Variants in ZNF800 observed in about 807,000 individuals in gnomAD.
The protein encoded by ZNF800 is zinc finger protein 800.
A neutral mutation model predicts 59.5 loss-of-function variants in ZNF800; 13 were observed. That is an observed-to-expected ratio of 0.22 (90% CI 0.14 to 0.35). The LOEUF (loss-of-function observed/expected upper bound fraction) is 0.35. Ranked by LOEUF, ZNF800 falls within the 10% of genes least tolerant of loss-of-function variation. The pLI, the probability that ZNF800 is intolerant of heterozygous loss-of-function variation, is 1.00. For missense variants in ZNF800, 621 were observed against 783.7 expected (o/e 0.79, Z 2.48); for synonymous variants, 266 against 265.7 (o/e 1.00, Z -0.01).
intron 3 of ZNF800, among the ~76,000 whole-genome samples, chr7:127,383,675 T>C (rs147465767): frequency 2.1e-3 from 318 of 152,306 alleles, no homozygotes; most frequent in Admixed American, 5.0e-3. Context: ...CAGTAGACAT[T>C]AGATTAACCA....
chr7:127,360,451 T>C (rs1398746827), intron 1 of ZNF800: 1 of 152,122 alleles, frequency 6.6e-6, no homozygotes, highest in African/African-American at 2.4e-5. Flanking sequence ...AACAGACAAA[T>C]GTTAATTTAT....
In ZNF800 at chr7:127,374,556, T is replaced by C. The variant is rs1209174867; in HGVS notation, c.780A>G (p.Leu260=). ...TCTTTCGTGTTTCAATGTACTTTTT[T>C]AGTTCTTCCATCTTTTTCTTGTGTA... The part of the protein sequence containing the change: ...RKVHKKKMEE[L]KKYIETRKNP... The change falls in exon 5 of 6, where the codon CTA becomes CTG. Residue 260 remains leucine, a synonymous_variant. Coordinates refer to ENST00000265827, the MANE Select transcript of ZNF800 (RefSeq NM_176814.5). 1.9e-6 allele frequency: 3 copies of C among 1,614,188 alleles called. No individual in the cohort carries two copies. Among genetic ancestry groups the C allele is most frequent in the South Asian group, 2.2e-5 (2 of 91,084 alleles).
intron 5 of ZNF800, 65 bp downstream of exon 5, chr7:127,373,277 G>A: frequency 1.3e-6 from 2 of 1,522,546 alleles, no homozygotes; most frequent in Non-Finnish European, 1.8e-6. Context: ...ATAAATTATG[G>A]TCAAATGATT....
At chr7:127,345,878 G>A (rs149121423), downstream of ZNF800, among the ~76,000 whole-genome samples, 56 of 152,270 alleles carry the variant, frequency 3.7e-4, 1 homozygote, top group East Asian at 0.011. Flanking sequence ...AAAAAGTTTA[G>A]TTCTAAAGGA....
At chr7:127,390,533 A>G (rs1188150353) in intron 2 of ZNF800, among the ~76,000 whole-genome samples, 5 of 152,146 alleles carry the variant, frequency 3.3e-5, no homozygotes, top group Admixed American at 2.0e-4. Context: ...TTTTTCCATT[A>G]ATCAGAAAAT....
At position 127,392,288 on chromosome 7, in the gene ZNF800, G is replaced by A; in HGVS notation, c.-287C>T. ...TCCCTCCGCGGGCCGAGACGACTGC[G>A]GCGGCGGCTCACGGCGTCCTCCGCG... On this transcript the variant is annotated 5_prime_UTR_variant, in exon 1 of 6. Transcript: ENST00000265827. The A allele has an allele frequency of 2.6e-6, 1 of 390,536 alleles. No individual in the cohort carries two copies. The highest frequency in any genetic ancestry group is 4.5e-6 in the Non-Finnish European group (1 of 220,728). The allele number at this position is 390,536 out of a possible 1,614,324, so 24.2% of individuals were successfully genotyped here.
chr7:127,364,286 A>G (rs1471549025), intron 1 of ZNF800: 1 of 152,120 alleles, frequency 6.6e-6, no homozygotes, highest in Admixed American at 6.6e-5. Flanking sequence ...GGTAGAAAAA[A>G]ATTACAGGTA....
downstream of ZNF800, among the ~76,000 whole-genome samples, chr7:127,344,900 TTATATA>T (rs1800029678): frequency 6.6e-6 from 1 of 151,970 alleles, no homozygotes; most frequent in Non-Finnish European, 1.5e-5. Context: ...AGACAGATAT[TTATATA>T]ACACTGGGAA....
At chr7:127,369,022 G>T (rs1212310199), downstream of ZNF800, among the ~76,000 whole-genome samples, 1 of 135,000 alleles carries the variant, frequency 7.4e-6, no homozygotes, top group East Asian at 2.3e-4. Flanking sequence ...GAGGGGGAGG[G>T]AATGGAGACA....
Position 127,371,614 on chromosome 7 carries a change from C to A in ZNF800, c.*200G>T, listed in dbSNP as rs1457060501. ...GTAATATCACAGCTACTTGAAAGTG[C>A]TGGAATAGGCAGTGCCTTAGAAACA... On this transcript the variant is annotated 3_prime_UTR_variant, in exon 6 of 6. Coordinates refer to ENST00000265827, the MANE Select transcript of ZNF800 (RefSeq NM_176814.5). 3 of 442,662 alleles carry A rather than the reference C, an allele frequency of 6.8e-6. No homozygotes were observed. The highest frequency in any genetic ancestry group is 6.1e-5 in the African/African-American group (3 of 48,814). 27.4% of individuals were successfully genotyped at this position (442,662 alleles called of 1,614,324 possible).
In ZNF800 at chr7:127,373,980, T is replaced by G. The variant is rs1228616457; in HGVS notation, c.1356A>C (p.Lys452Asn). The change falls in exon 5 of 6, where the codon AAA becomes AAC. Residue 452 changes from lysine to asparagine, a missense_variant. By Grantham distance (94) the Lys-to-Asn change is moderately conservative. Coordinates refer to ENST00000265827, the MANE Select transcript of ZNF800 (RefSeq NM_176814.5). ...TTGATTTAGGGCTTTCAGAGTCTTG[T>G]TTAACTTTATTTTTCTGTGCTGCCG... ...NTPAAQKNKV[K>N]QDSESPKSTS... is the part of the protein sequence containing the mutation. The G allele has an allele frequency of 1.9e-6, 3 of 1,613,716 alleles. No individual in the cohort carries two copies. The highest frequency in any genetic ancestry group is 1.7e-6 in the Non-Finnish European group (2 of 1,179,966).
At chr7:127,372,814 G>A (rs1800669480) in intron 5 of ZNF800, 8 of 985,196 alleles carry the variant, frequency 8.1e-6, no homozygotes, top group Non-Finnish European at 9.6e-6. Flanking sequence ...ATTCAATTCG[G>A]GGATTTTTTT....
In ZNF800 at chr7:127,377,422, C is replaced by T; in HGVS notation, c.158-93G>A. 9.5e-7 allele frequency: 1 copy of T among 1,055,528 alleles called. No individual in the cohort carries two copies. The highest frequency in any genetic ancestry group is 1.3e-6 in the Non-Finnish European group (1 of 750,640). The allele number at this position is 1,055,528 out of a possible 1,614,324, so 65.4% of individuals were successfully genotyped here. On this transcript the variant is annotated intron_variant, in intron 3 of 5. Coordinates refer to ENST00000265827, the MANE Select transcript of ZNF800 (RefSeq NM_176814.5). This position sits in a 1 kb window ranked among gnomAD's most constrained non-coding sequence, Gnocchi z 4.7. ...AACCACTGTTGACAGACCAAAAGTG[C>T]AGTTACTCTTTGAAAACAAAATATA...
intron 3 of ZNF800, among the ~76,000 whole-genome samples, chr7:127,379,455 G>A (rs1767529153): frequency 6.6e-6 from 1 of 152,130 alleles, no homozygotes; most frequent in Admixed American, 6.6e-5. Flanking sequence ...AAAAAAGATT[G>A]AAGAGGAACA....
At chr7:127,391,258 A>C (rs536192294) in intron 2 of ZNF800, among the ~76,000 whole-genome samples, 3 of 152,320 alleles carry the variant, frequency 2.0e-5, no homozygotes, top group South Asian at 4.1e-4. Flanking sequence ...AAAAAGACTG[A>C]GCGACTGATC....
In ZNF800 at chr7:127,386,158, A is replaced by G. The variant is rs755733384; in HGVS notation, c.62-3T>C. On this transcript the variant is annotated splice_polypyrimidine_tract_variant and splice_region_variant and intron_variant, in intron 2 of 5. Coordinates refer to ENST00000265827, the MANE Select transcript of ZNF800 (RefSeq NM_176814.5). ...ATCTCCAGGTTCCAGGATATAAACT[A>G]CATGGAAGACAAACACCCACCCCAA... 1.3e-5 allele frequency: 21 copies of G among 1,593,694 alleles called. No homozygotes were observed. In the South Asian group the frequency reaches 2.1e-4, roughly 16 times the overall value.
At chr7:127,351,398 T>C (rs1273426090) in intron 1 of ZNF800, 2 of 152,208 alleles carry the variant, frequency 1.3e-5, no homozygotes, top group Non-Finnish European at 2.9e-5. Context: ...TCTTTGACAG[T>C]TCTCAAAATG....
intron 4 of ZNF800, among the ~76,000 whole-genome samples, chr7:127,376,134 TAGTA>T (rs1317341601): frequency 6.6e-6 from 1 of 151,948 alleles, no homozygotes; most frequent in African/African-American, 2.4e-5. Flanking sequence ...AATGAGAGAA[TAGTA>T]AGATCAAAAT....
chr7:127,363,993 T>C (rs977881976), intron 1 of ZNF800: 1 of 152,104 alleles, frequency 6.6e-6, no homozygotes, highest in African/African-American at 2.4e-5. Flanking sequence ...ATTTGAAGTT[T>C]GCTGAGCTTT....
Sources: gnomAD v4.1 joint callset for allele counts (sites outside exome capture counted in the v4.1 genomes callset) on GRCh38, gnomAD v4.1.1 for gene constraint, Gnocchi (gnomAD v3.1) non-coding constraint, MANE v1.5 for transcripts, NCBI Gene and HGNC (gene_info 2026-07-23, HGNC 2026-07-21) for gene names.